Variants in PTK2B observed in about 807,000 individuals in gnomAD.
PTK2B encodes protein tyrosine kinase 2 beta.
A neutral mutation model predicts 142.9 loss-of-function variants in PTK2B; 71 were observed. That is an observed-to-expected ratio of 0.50 (90% CI 0.41 to 0.61). PTK2B has a LOEUF of 0.61. PTK2B is among the 20% of genes least tolerant of loss of function. The pLI, the probability that PTK2B is intolerant of heterozygous loss-of-function variation, is 0.00. For synonymous variants in PTK2B, 519 were observed against 503.4 expected (o/e 1.03, Z -0.42); for missense variants, 1,105 against 1,320.4 (o/e 0.84, Z 2.53).
intron 30 of PTK2B, 29 bp downstream of exon 30, chr8:27,454,640 A>G (rs372605658): frequency 1.9e-5 from 31 of 1,604,916 alleles, no homozygotes; most frequent in Non-Finnish European, 2.6e-5. Context: ...ACAGCACCAT[A>G]GGCTGTTGCT....
At chr8:27,405,557 T>C (rs1441630903) in intron 2 of PTK2B, among the ~76,000 whole-genome samples, 1 of 152,194 alleles carries the variant, frequency 6.6e-6, no homozygotes, top group African/African-American at 2.4e-5. Context: ...TGCCGCAGTA[T>C]TTAAAAAGGT....
In PTK2B at chr8:27,458,728, G is replaced by A; in HGVS notation, c.*219G>A. On this transcript the variant is annotated 3_prime_UTR_variant, in exon 31 of 31. Transcript: ENST00000346049. ...TCTGGGCTATGGACACAGGGTGACG[G>A]TGACAAAGATGGCTCAGAGGGGGAC... 2 of 591,634 alleles carry A rather than the reference G, an allele frequency of 3.4e-6. No homozygotes were observed. The highest frequency in any genetic ancestry group is 2.8e-5 in the East Asian group (1 of 35,108). The allele number at this position is 591,634 out of a possible 1,614,324, so 36.6% of individuals were successfully genotyped here. A position where few individuals can be genotyped will look rare whatever the true frequency, so the allele number is the denominator to read the frequency against.
At chr8:27,448,374 T>C (rs1013901947) in intron 24 of PTK2B, among the ~76,000 whole-genome samples, 1 of 152,246 alleles carries the variant, frequency 6.6e-6, no homozygotes, top group African/African-American at 2.4e-5. Context: ...TAATGAGCAA[T>C]GTAAGTATCC....
chr8:27,376,798 C>T (rs1806697394), intron 1 of PTK2B, among the ~76,000 whole-genome samples: 2 of 152,142 alleles, frequency 1.3e-5, no homozygotes, highest in Non-Finnish European at 2.9e-5. Context: ...AATAATCCAC[C>T]CTTTGTTTAG....
rs1806674157 is a variant in PTK2B, at chr8:27,376,428, CA to C, written c.-37-21117del. On this transcript the variant is annotated intron_variant, in intron 1 of 30. Coordinates refer to ENST00000346049, the MANE Select transcript of PTK2B (RefSeq NM_173176.3). ...TGGACTGGAATGATCTTGAACCACA[CA>C]AACCCTCATGTTTCTTTTTGTCAGA... Among the ~76,000 whole-genome samples the C allele has an allele frequency of 3.3e-5, 5 of 152,218 alleles. No homozygotes were observed. In the South Asian group the frequency reaches 1.0e-3, roughly 32 times the overall value.
intron 3 of PTK2B, among the ~76,000 whole-genome samples, chr8:27,320,139 A>G (rs1048984710): frequency 1.3e-5 from 2 of 152,084 alleles, no homozygotes; most frequent in African/African-American, 2.4e-5. Context: ...CTGCGATTCA[A>G]ACTGTGAGGT....
intron 1 of PTK2B, among the ~76,000 whole-genome samples, chr8:27,365,918 A>G (rs1805994512): frequency 6.6e-6 from 1 of 152,220 alleles, no homozygotes. Flanking sequence ...CTTCGGACTT[A>G]GCCAGTCCTG....
intron 19 of PTK2B, 63 bp from the exon 20 acceptor site, chr8:27,439,246 G>A: frequency 6.4e-7 from 1 of 1,561,734 alleles, no homozygotes; most frequent in South Asian, 1.1e-5. Context: ...CAGAAAGTAG[G>A]ATGTATTTCT....
chr8:27,407,772 G>A (rs1162228039), intron 2 of PTK2B, among the ~76,000 whole-genome samples: 1 of 152,128 alleles, frequency 6.6e-6, no homozygotes. Context: ...CAACTCCTCA[G>A]GTTGACTTGA....
chr8:27,380,749 G>A (rs1399239958), intron 1 of PTK2B: 2 of 152,194 alleles, frequency 1.3e-5, no homozygotes, highest in African/African-American at 2.4e-5. Flanking sequence ...CTGCAGCCTG[G>A]GAACTGGGAG....
intron 2 of PTK2B, among the ~76,000 whole-genome samples, chr8:27,399,264 C>T (rs1182779550): frequency 6.6e-6 from 1 of 152,120 alleles, no homozygotes; most frequent in Non-Finnish European, 1.5e-5. Context: ...TCCATAGAGT[C>T]AGCAGTGAAA....
chr8:27,351,672 T>G (rs1301372661), intron 1 of PTK2B, among the ~76,000 whole-genome samples: 5 of 152,244 alleles, frequency 3.3e-5, no homozygotes, highest in Non-Finnish European at 7.3e-5. Flanking sequence ...CTTTCCATTT[T>G]CAACATTTCA....
chr8:27,368,654 T>C (rs1289513041), intron 1 of PTK2B, among the ~76,000 whole-genome samples: 1 of 152,226 alleles, frequency 6.6e-6, no homozygotes, highest in Non-Finnish European at 1.5e-5. Context: ...GCAAACCCTC[T>C]GGTTCCATCC....
At chr8:27,449,176 A>G (rs1009988128) in intron 24 of PTK2B, among the ~76,000 whole-genome samples, 1 of 152,218 alleles carries the variant, frequency 6.6e-6, no homozygotes, top group Admixed American at 6.5e-5. Flanking sequence ...TCTGACTAGT[A>G]TTTACTTAAC....
At chr8:27,421,264 C>A (rs1405665839) in intron 4 of PTK2B, among the ~76,000 whole-genome samples, 2 of 151,302 alleles carry the variant, frequency 1.3e-5, no homozygotes, top group Non-Finnish European at 2.9e-5. Context: ...AATTCCCTTA[C>A]ACGTAGCACT....
At position 27,358,819 on chromosome 8, in the gene PTK2B, A is replaced by G. The variant is rs999204104; in HGVS notation, c.-38+33138A>G. 1.5e-4 allele frequency among the ~76,000 whole-genome samples: 23 copies of G among 152,214 alleles called. 1 individual carries two copies. Among genetic ancestry groups the G allele is most frequent in the African/African-American group, 5.5e-4 (23 of 41,558 alleles). On this transcript the variant is annotated intron_variant, in intron 1 of 30. Transcript: ENST00000346049. Reference sequence around the variant, plus strand: ...AGAAGTTATATATTAGGTTTCTATTATTTTAATGGAAAAATAGGTTAAAAA... The same window carrying G: ...AGAAGTTATATATTAGGTTTCTATTGTTTTAATGGAAAAATAGGTTAAAAA...
intron 3 of PTK2B, among the ~76,000 whole-genome samples, chr8:27,314,574 C>CT (rs1297743747): frequency 6.6e-6 from 1 of 152,228 alleles, no homozygotes. Flanking sequence ...AACTTTGTAA[C>CT]TTTACTTCAT....
intron 23 of PTK2B, among the ~76,000 whole-genome samples, chr8:27,445,431 C>A (rs1452832985): frequency 6.6e-6 from 1 of 152,160 alleles, no homozygotes. Context: ...AAAAACAATT[C>A]ATACATATCT....
At chr8:27,439,191 CAGA>C in intron 19 of PTK2B, 60 bp downstream of exon 19, 5 of 1,575,554 alleles carry the variant, frequency 3.2e-6, no homozygotes, top group Non-Finnish European at 4.4e-6. Flanking sequence ...CCAAAAATTC[CAGA>C]AGAAGGAAGT....
Sources: allele counts gnomAD v4.1 joint callset (sites outside exome capture counted in the v4.1 genomes callset), GRCh38; gene constraint gnomAD v4.1.1; transcripts MANE v1.5; gene names NCBI Gene and HGNC (gene_info 2026-07-23, HGNC 2026-07-21).